Variants in RBPJ observed in about 807,000 individuals in gnomAD.
RBPJ encodes recombining binding protein suppressor of hairless.
A neutral mutation model predicts 67.8 loss-of-function variants in RBPJ; 9 were observed. That is an observed-to-expected ratio of 0.13 (90% CI 0.08 to 0.23). The LOEUF is 0.23. RBPJ is among the 10% of genes least tolerant of loss of function. RBPJ has a pLI of 1.00. For synonymous variants in RBPJ, 198 were observed against 203.3 expected, an observed-to-expected ratio of 0.97 and a Z score of 0.22; for missense variants, 305 against 595.6, an observed-to-expected ratio of 0.51 and a Z score of 5.08.
At chr4:26,145,028 C>CTTTTTTT in the RBPJ span, among the ~76,000 whole-genome samples, 1 of 146,680 alleles carries the variant, frequency 6.8e-6, no homozygotes, top group Non-Finnish European at 1.5e-5. Flanking sequence ...TCTTCTTCTT[C>CTTTTTTT]TTTTTTTTTT....
the RBPJ span, among the ~76,000 whole-genome samples, chr4:26,117,740 A>G: frequency 6.6e-6 from 1 of 152,182 alleles, no homozygotes; most frequent in Admixed American, 6.6e-5. Flanking sequence ...GAGAGATACT[A>G]ATGCTTGGTA....
chr4:26,183,023 C>T (rs770817843), intron 1 of RBPJ, among the ~76,000 whole-genome samples: 21 of 152,110 alleles, frequency 1.4e-4, no homozygotes, highest in Non-Finnish European at 2.8e-4. Flanking sequence ...TAACTTTTCA[C>T]GTAAGTAGAA....
intron 1 of RBPJ, among the ~76,000 whole-genome samples, chr4:26,224,589 C>T (rs1719023146): frequency 6.6e-6 from 1 of 152,116 alleles, no homozygotes; most frequent in African/African-American, 2.4e-5. Flanking sequence ...AACTCCTGAC[C>T]TCAAGAGATC....
rs1318132249 is a variant in RBPJ, at chr4:26,431,202, A to G, written c.*195A>G. ...GCCACAGTAAAAAAAAAAAAAAAAAAAAAAAAAAAGAAAAAAAAATCAAAA... is the reference window on the plus strand; with the variant it reads ...GCCACAGTAAAAAAAAAAAAAAAAAGAAAAAAAAAGAAAAAAAAATCAAAA... On this transcript the variant is annotated 3_prime_UTR_variant, in exon 11 of 11. Transcript: ENST00000355476. 1.3e-4 allele frequency: 53 copies of G among 418,292 alleles called. 1 individual carries two copies. Among genetic ancestry groups the G allele is most frequent in the Admixed American group, 7.6e-4 (19 of 24,958 alleles). The allele number at this position is 418,292 out of a possible 1,614,324, so 25.9% of individuals were successfully genotyped here.
chr4:26,129,148 A>G, the RBPJ span, among the ~76,000 whole-genome samples: 1 of 152,204 alleles, frequency 6.6e-6, no homozygotes, highest in Non-Finnish European at 1.5e-5. Context: ...GAGTCAAGGC[A>G]AATGATGTCA....
At chr4:26,208,117 AAC>A (rs796194025) in intron 1 of RBPJ, among the ~76,000 whole-genome samples, 16 of 152,360 alleles carry the variant, frequency 1.1e-4, no homozygotes, top group African/African-American at 3.1e-4. Flanking sequence ...GAATAATAGC[AAC>A]AGTGTTTGCT....
chr4:26,377,703 T>G (rs534335376), intron 1 of RBPJ, among the ~76,000 whole-genome samples: 4 of 152,366 alleles, frequency 2.6e-5, no homozygotes, highest in Non-Finnish European at 4.4e-5. Context: ...TAGTGAAATT[T>G]GCTTACTGAG....
chr4:26,343,534 C>T (rs1040168407), intron 1 of RBPJ, among the ~76,000 whole-genome samples: 1 of 151,456 alleles, frequency 6.6e-6, no homozygotes, highest in African/African-American at 2.4e-5. Flanking sequence ...CAGAAAAATA[C>T]AGGTTGTTTG....
chr4:26,397,222 A>G (rs757658064), intron 2 of RBPJ, among the ~76,000 whole-genome samples: 1 of 152,186 alleles, frequency 6.6e-6, no homozygotes, highest in Non-Finnish European at 1.5e-5. Flanking sequence ...TGTGGAGCTC[A>G]CTTTGAGAAG....
intron 1 of RBPJ, among the ~76,000 whole-genome samples, chr4:26,328,049 C>T (rs1723831411): frequency 6.6e-6 from 1 of 151,728 alleles, no homozygotes; most frequent in South Asian, 2.1e-4. Context: ...GTATATGTTC[C>T]CTTTTGGAAA....
chr4:26,251,438 C>T (rs1720104999), intron 1 of RBPJ, among the ~76,000 whole-genome samples: 1 of 151,978 alleles, frequency 6.6e-6, no homozygotes, highest in African/African-American at 2.4e-5. Context: ...GAGTTCAAGA[C>T]CAGCCTGGCC....
intron 1 of RBPJ, among the ~76,000 whole-genome samples, chr4:26,375,930 A>T (rs777798851): frequency 7.2e-5 from 11 of 152,030 alleles, no homozygotes; most frequent in Non-Finnish European, 1.2e-4. Context: ...ATTCATACAT[A>T]TACTCCTCAG....
chr4:26,278,019 A>G (rs1032522479), intron 1 of RBPJ, among the ~76,000 whole-genome samples: 20 of 152,136 alleles, frequency 1.3e-4, no homozygotes, highest in Non-Finnish European at 2.5e-4. Context: ...TCCTTTGCTG[A>G]ATATTTATTG....
intron 1 of RBPJ, among the ~76,000 whole-genome samples, chr4:26,214,993 AG>A (rs1472355836): frequency 6.5e-5 from 2 of 30,668 alleles, no homozygotes; most frequent in Non-Finnish European, 5.9e-5. Context: ...GGAGGGAGGG[AG>A]GGAGGGAAGG....
intron 1 of RBPJ, among the ~76,000 whole-genome samples, chr4:26,353,539 A>T (rs1446697639): frequency 6.6e-6 from 1 of 152,150 alleles, no homozygotes; most frequent in African/African-American, 2.4e-5. Flanking sequence ...TTAAAATATT[A>T]GACAACCTTT....
At chr4:26,231,464 T>G (rs1296049889) in intron 1 of RBPJ, among the ~76,000 whole-genome samples, 1 of 151,526 alleles carries the variant, frequency 6.6e-6, no homozygotes, top group Non-Finnish European at 1.5e-5. Context: ...CAGGCTGGAG[T>G]GCAGTGGCAA....
At chr4:26,267,514 A>G (rs1310164960) in intron 1 of RBPJ, among the ~76,000 whole-genome samples, 1 of 152,166 alleles carries the variant, frequency 6.6e-6, no homozygotes, top group Non-Finnish European at 1.5e-5. Flanking sequence ...AAAGAAATGA[A>G]TTTAACGAGG....
chr4:26,410,898 G>A (rs1222387897), intron 3 of RBPJ, among the ~76,000 whole-genome samples: 1 of 152,200 alleles, frequency 6.6e-6, no homozygotes, highest in Non-Finnish European at 1.5e-5. Context: ...GCCACCAAGT[G>A]GCAGAGAAAG....
chr4:26,348,581 G>T (rs1486080539), intron 1 of RBPJ, among the ~76,000 whole-genome samples: 2 of 152,108 alleles, frequency 1.3e-5, no homozygotes, highest in African/African-American at 4.8e-5. Context: ...ATATTGTACT[G>T]TACCAATATA....
Sources: allele counts gnomAD v4.1 joint callset (sites outside exome capture counted in the v4.1 genomes callset), GRCh38; gene constraint gnomAD v4.1.1; transcripts MANE v1.5; gene names NCBI Gene and HGNC (gene_info 2026-07-23, HGNC 2026-07-21).